The following SCAMP1 variants were observed in gnomAD, a reference collection of about 807,000 sequenced individuals.
SCAMP1 encodes secretory carrier-associated membrane protein 1.
In SCAMP1, 15 loss-of-function variants were observed where a neutral mutation model predicts 41.8. The ratio of observed to expected loss-of-function variants is 0.36; its 90% CI spans 0.24 to 0.55. The LOEUF is 0.55. Among genes scored for constraint, SCAMP1 ranks in the 20% least tolerant of loss-of-function variants. The pLI, the probability that SCAMP1 is intolerant of heterozygous loss-of-function variation, is 0.86. For synonymous variants in SCAMP1, 135 were observed against 136.8 expected (o/e 0.99, Z 0.09); for missense variants, 341 against 412.6 (o/e 0.83, Z 1.50).
intron 8 of SCAMP1, among the ~76,000 whole-genome samples, chr5:78,469,913 C>CAAAAAA (rs1561290939): frequency 3.1e-3 from 71 of 23,110 alleles, no homozygotes; most frequent in Non-Finnish European, 3.9e-3. Context: ...AAAAAAAAAA[C>CAAAAAA]AAAAAAAAAA....
intron 7 of SCAMP1, among the ~76,000 whole-genome samples, chr5:78,452,994 T>C (rs1336644020): frequency 6.8e-6 from 1 of 148,052 alleles, no homozygotes; most frequent in Non-Finnish European, 1.5e-5. Context: ...TTTTGAGAAG[T>C]GTCTGTTCAT....
At chr5:78,437,099 A>C (rs1238729504) in intron 6 of SCAMP1, among the ~76,000 whole-genome samples, 5 of 152,214 alleles carry the variant, frequency 3.3e-5, no homozygotes, top group Non-Finnish European at 7.3e-5. Flanking sequence ...GAAGTTGCTT[A>C]TCAGCTTAAG....
chr5:78,470,835 G>A (rs10055537), intron 8 of SCAMP1, among the ~76,000 whole-genome samples: 56,141 of 151,938 alleles, frequency 0.37, 12,479 homozygotes, highest in Non-Finnish European at 0.5. Flanking sequence ...TCTCATTCCA[G>A]CCATCCTAGC....
At chr5:78,405,724 C>T (rs964324018) in intron 2 of SCAMP1, among the ~76,000 whole-genome samples, 2 of 152,212 alleles carry the variant, frequency 1.3e-5, no homozygotes, top group African/African-American at 4.8e-5. Flanking sequence ...GTTTGTGGCC[C>T]ATTGTAGTTG....
intron 6 of SCAMP1, among the ~76,000 whole-genome samples, chr5:78,447,671 C>T (rs1753085320): frequency 6.6e-6 from 1 of 152,064 alleles, no homozygotes; most frequent in Admixed American, 6.5e-5. Context: ...AAAAAAAAAT[C>T]TTTGCATTCT....
chr5:78,364,693 T>A (rs1313603708), intron 1 of SCAMP1, among the ~76,000 whole-genome samples: 1 of 152,098 alleles, frequency 6.6e-6, no homozygotes, highest in African/African-American at 2.4e-5. Context: ...ATTAAAAAAT[T>A]TTGGCTCAAG....
At chr5:78,394,391 ATTTTATCT>A (rs1227512262) in intron 2 of SCAMP1, among the ~76,000 whole-genome samples, 1 of 151,950 alleles carries the variant, frequency 6.6e-6, no homozygotes, top group African/African-American at 2.4e-5. Flanking sequence ...GAGTTAAATA[ATTTTATCT>A]TTTTATAGAC....
intron 2 of SCAMP1, among the ~76,000 whole-genome samples, chr5:78,395,017 G>A (rs1179324361): frequency 1.3e-5 from 2 of 151,980 alleles, no homozygotes; most frequent in Admixed American, 6.6e-5. Flanking sequence ...TCTTCAAATC[G>A]CTTTTTATAC....
At chr5:78,449,480 G>A (rs1367346788) in intron 6 of SCAMP1, among the ~76,000 whole-genome samples, 1 of 152,172 alleles carries the variant, frequency 6.6e-6, no homozygotes, top group Admixed American at 6.5e-5. Context: ...TGGGTAGGGT[G>A]GGGCTACCAA....
intron 6 of SCAMP1, among the ~76,000 whole-genome samples, chr5:78,430,064 CAG>C (rs1282070614): frequency 1.5e-4 from 17 of 116,366 alleles, no homozygotes; most frequent in South Asian, 2.7e-4. Context: ...TTTATAAATA[CAG>C]TATTTATTTA....
chr5:78,452,957 G>C (rs1753278199), intron 7 of SCAMP1, among the ~76,000 whole-genome samples: 2 of 149,134 alleles, frequency 1.3e-5, no homozygotes, highest in Admixed American at 1.3e-4. Context: ...ATTTTTTCAT[G>C]TGTTTTTTGG....
Position 78,421,847 on chromosome 5 carries a change from G to C in SCAMP1, c.519G>C (p.Trp173Cys). The C allele has an allele frequency of 6.2e-7, 1 of 1,613,764 alleles. No individual in the cohort carries two copies. Among genetic ancestry groups the C allele is most frequent in the Non-Finnish European group, 8.5e-7 (1 of 1,179,798 alleles). ...TAAATATCTTCGGATGCTTGGCTTGGTTTTGTGTTGATTCTGCAAGAGCGG... is the reference window on the plus strand; with the variant it reads ...TAAATATCTTCGGATGCTTGGCTTGCTTTTGTGTTGATTCTGCAAGAGCGG... ...LFLNIFGCLA[W>C]FCVDSARAVD... The change falls in exon 6 of 9, where the codon TGG becomes TGC. Residue 173 changes from tryptophan to cysteine, a missense_variant. Coordinates refer to ENST00000621999, the MANE Select transcript of SCAMP1 (RefSeq NM_004866.6).
At chr5:78,440,401 C>T (rs1752888965) in intron 6 of SCAMP1, among the ~76,000 whole-genome samples, 1 of 152,140 alleles carries the variant, frequency 6.6e-6, no homozygotes, top group Non-Finnish European at 1.5e-5. Flanking sequence ...TGTGGATGTC[C>T]TTTCTGTTTG....
intron 6 of SCAMP1, among the ~76,000 whole-genome samples, chr5:78,433,240 T>G (rs1304529319): frequency 6.6e-6 from 1 of 152,222 alleles, no homozygotes; most frequent in Admixed American, 6.5e-5. Context: ...TTTTCTTGAT[T>G]GCTTTGTCTC....
In SCAMP1 at chr5:78,450,338, A is replaced by G. The variant is rs143309712; in HGVS notation, c.734+304A>G. 2.5e-3 allele frequency among the ~76,000 whole-genome samples: 379 copies of G among 152,296 alleles called. 2 individuals are homozygous for G. Among genetic ancestry groups the G allele is most frequent in the African/African-American group, 8.6e-3 (358 of 41,572 alleles). On this transcript the variant is annotated intron_variant, in intron 7 of 8. Coordinates refer to ENST00000621999, the MANE Select transcript of SCAMP1 (RefSeq NM_004866.6). ...AGGTGGTCAGAGAGATAGAGGGACC[A>G]AGGAATGTGGAAGGGACAGGAAAGA...
intron 6 of SCAMP1, among the ~76,000 whole-genome samples, chr5:78,445,358 T>C (rs1753028282): frequency 6.6e-6 from 1 of 152,238 alleles, no homozygotes; most frequent in Admixed American, 6.5e-5. Context: ...AGAGCTTTTA[T>C]TTATGTGTTC....
intron 6 of SCAMP1, among the ~76,000 whole-genome samples, chr5:78,433,819 T>C (rs890792590): frequency 3.3e-5 from 5 of 152,238 alleles, no homozygotes; most frequent in Non-Finnish European, 5.9e-5. Flanking sequence ...GCCTCAGCCT[T>C]AGGCAGCCTG....
chr5:78,478,824 A>G lies in SCAMP1; in HGVS notation c.*3156A>G, dbSNP rs1754065049. The G allele has an allele frequency of 6.6e-6, 1 of 152,176 alleles. No homozygotes were observed. Among genetic ancestry groups the G allele is most frequent in the Non-Finnish European group, 1.5e-5 (1 of 67,984 alleles). 9.4% of individuals were successfully genotyped at this position (152,176 alleles called of 1,614,324 possible). On this transcript the variant is annotated 3_prime_UTR_variant, in exon 9 of 9. Coordinates refer to ENST00000621999, the MANE Select transcript of SCAMP1 (RefSeq NM_004866.6). ...TTTGAGAAATACATGTTAAAAAAGG[A>G]ACAGTATTCTTTATTTTCTGGGTGT...
At chr5:78,409,228 T>C (rs1752007778) in intron 2 of SCAMP1, among the ~76,000 whole-genome samples, 1 of 152,150 alleles carries the variant, frequency 6.6e-6, no homozygotes, top group African/African-American at 2.4e-5. Flanking sequence ...CTTTCTTGCC[T>C]CCCAGGATTT....
Sources: allele counts gnomAD v4.1 joint callset (sites outside exome capture counted in the v4.1 genomes callset), GRCh38; gene constraint gnomAD v4.1.1; transcripts MANE v1.5; gene names NCBI Gene and HGNC (gene_info 2026-07-23, HGNC 2026-07-21).